The following TDRD5 variants were observed in gnomAD, a reference collection of about 807,000 sequenced individuals.
TDRD5 encodes the protein tudor domain containing 5, also known as tudor domain-containing protein 5.
TDRD5 carries 41 observed loss-of-function variants against 120.6 expected under a neutral mutation model. The ratio of observed to expected loss-of-function variants is 0.34; its 90% CI spans 0.26 to 0.44. The LOEUF (loss-of-function observed/expected upper bound fraction) is 0.44. Ranked by LOEUF, TDRD5 falls within the 20% of genes least tolerant of loss-of-function variation. The pLI is 1.00. For missense variants in TDRD5, 1,006 were observed against 1,221.2 expected (o/e 0.82, Z 2.63); for synonymous variants, 430 against 433.7 (o/e 0.99, Z 0.11).
intron 7 of TDRD5, among the ~76,000 whole-genome samples, chr1:179,631,491 TAACTC>T (rs1677447676): frequency 6.6e-6 from 1 of 152,234 alleles, no homozygotes; most frequent in Non-Finnish European, 1.5e-5. Flanking sequence ...CAGTGGTTCT[TAACTC>T]AGGCCGTGCA....
intron 6 of TDRD5, among the ~76,000 whole-genome samples, chr1:179,625,320 A>G (rs767653680): frequency 5.9e-5 from 9 of 152,182 alleles, no homozygotes; most frequent in Admixed American, 2.0e-4. Context: ...GAAAACTGAT[A>G]ATGAGACTTC....
At chr1:179,625,093 G>A (rs2101983040) in intron 6 of TDRD5, among the ~76,000 whole-genome samples, 1 of 143,770 alleles carries the variant, frequency 7.0e-6, no homozygotes, top group East Asian at 2.0e-4. Context: ...TTCAACAAAT[G>A]ATGCTGGAAC....
intron 17 of TDRD5, among the ~76,000 whole-genome samples, chr1:179,686,158 A>T (rs943981172): frequency 1.3e-5 from 2 of 152,194 alleles, no homozygotes; most frequent in Non-Finnish European, 2.9e-5. Context: ...TTGCCCATTC[A>T]GTATGATATT....
intron 17 of TDRD5, 65 bp from the exon 18 acceptor site, chr1:179,690,631 G>A: frequency 1.3e-6 from 2 of 1,560,678 alleles, no homozygotes; most frequent in Non-Finnish European, 1.7e-6. Context: ...AACTAGAATG[G>A]GGGAGAGGAG....
chr1:179,615,211 A>G (rs552407218), intron 4 of TDRD5, among the ~76,000 whole-genome samples: 1 of 152,298 alleles, frequency 6.6e-6, no homozygotes, highest in South Asian at 2.1e-4. Context: ...GACAGGGACC[A>G]TATCTAGCTT....
chr1:179,629,685 C>G (rs1677328391), intron 6 of TDRD5, among the ~76,000 whole-genome samples: 1 of 151,924 alleles, frequency 6.6e-6, no homozygotes, highest in Non-Finnish European at 1.5e-5. Flanking sequence ...ACTTTTAACC[C>G]TTTGGAGTAG....
intron 11 of TDRD5, among the ~76,000 whole-genome samples, chr1:179,641,577 T>C (rs1678052202): frequency 6.6e-6 from 1 of 152,048 alleles, no homozygotes; most frequent in African/African-American, 2.4e-5. Context: ...TACCTATAAT[T>C]CCACCACTCA....
chr1:179,608,686 A>C (rs1452766925), intron 4 of TDRD5, among the ~76,000 whole-genome samples: 1 of 151,842 alleles, frequency 6.6e-6, no homozygotes, highest in Non-Finnish European at 1.5e-5. Flanking sequence ...TAAGGTTTGT[A>C]ATAACTGTTT....
chr1:179,618,519 T>C, intron 4 of TDRD5, 80 bp from the exon 5 acceptor site: 6 of 1,006,126 alleles, frequency 6.0e-6, no homozygotes, highest in Non-Finnish European at 8.8e-6. Flanking sequence ...AGATTTTTTC[T>C]TTACATATTG....
At chr1:179,684,410 G>T (rs1416475363) in intron 17 of TDRD5, among the ~76,000 whole-genome samples, 1 of 152,156 alleles carries the variant, frequency 6.6e-6, no homozygotes, top group African/African-American at 2.4e-5. Context: ...GTATTCCATG[G>T]TGTATATGTG....
chr1:179,618,830 GAAAC>G (rs1676697341), intron 5 of TDRD5, 148 bp downstream of exon 5: 4 of 539,738 alleles, frequency 7.4e-6, no homozygotes, highest in Non-Finnish European at 1.2e-5. Context: ...CTAAGAAAAA[GAAAC>G]AAAATACGTA....
chr1:179,685,703 C>A (rs575702820), intron 17 of TDRD5, among the ~76,000 whole-genome samples: 9 of 152,220 alleles, frequency 5.9e-5, no homozygotes, highest in Non-Finnish European at 1.2e-4. Flanking sequence ...TTGCTTGTAT[C>A]TTCTTTTATT....
chr1:179,610,911 C>T (rs1398566099), intron 4 of TDRD5, among the ~76,000 whole-genome samples: 3 of 152,078 alleles, frequency 2.0e-5, no homozygotes, highest in South Asian at 4.1e-4. Flanking sequence ...AGACTTCATG[C>T]ATTTCATTAA....
At chr1:179,655,676 C>A (rs934364815) in intron 14 of TDRD5, among the ~76,000 whole-genome samples, 1 of 152,148 alleles carries the variant, frequency 6.6e-6, no homozygotes, top group Non-Finnish European at 1.5e-5. Flanking sequence ...TTTACCTTTT[C>A]AGGACTGTCA....
At chr1:179,592,423 GA>G in intron 1 of TDRD5, 178 bp from the exon 2 acceptor site, 1 of 565,462 alleles carries the variant, frequency 1.8e-6, no homozygotes, top group South Asian at 2.0e-5. Context: ...AACGCAGGTG[GA>G]GATTCAGGGC....
chr1:179,641,831 C>G (rs538120340), intron 11 of TDRD5, among the ~76,000 whole-genome samples: 22 of 152,222 alleles, frequency 1.4e-4, no homozygotes, highest in Admixed American at 1.3e-3. Context: ...TTAACCGTTT[C>G]TTTATTGTTT....
chr1:179,631,229 A>C (rs961941618), intron 7 of TDRD5, among the ~76,000 whole-genome samples: 4 of 152,118 alleles, frequency 2.6e-5, no homozygotes, highest in African/African-American at 9.7e-5. Flanking sequence ...GTCTCTACTA[A>C]AAATACAAAA....
intron 4 of TDRD5, among the ~76,000 whole-genome samples, chr1:179,614,576 A>G (rs974262400): frequency 6.6e-6 from 1 of 152,116 alleles, no homozygotes; most frequent in East Asian, 1.9e-4. Context: ...GTTGTCATCC[A>G]TAAGAATTGT....
Position 179,643,410 on chromosome 1 carries a change from A to T in TDRD5, c.1800+2965A>T, listed in dbSNP as rs114532371. On this transcript the variant is annotated intron_variant, in intron 11 of 17. Coordinates refer to ENST00000444136, the MANE Select transcript of TDRD5 (RefSeq NM_001199085.3). ...GACATTGAGATGTCCCAGACATTGGAGTTAGCAGACAAAGACTTTAAAGCA... is the reference window on the plus strand; with the variant it reads ...GACATTGAGATGTCCCAGACATTGGTGTTAGCAGACAAAGACTTTAAAGCA... 2.6e-3 allele frequency among the ~76,000 whole-genome samples: 397 copies of T among 152,318 alleles called. 2 individuals carry two copies. Among genetic ancestry groups the T allele is most frequent in the African/African-American group, 9.3e-3 (385 of 41,572 alleles).
Sources: allele counts gnomAD v4.1 joint callset (sites outside exome capture counted in the v4.1 genomes callset), GRCh38; gene constraint gnomAD v4.1.1; transcripts MANE v1.5; gene names NCBI Gene and HGNC (gene_info 2026-07-23, HGNC 2026-07-21).